TAS1R1: variants seen among roughly 807,000 people sequenced by gnomAD.
TAS1R1 encodes the protein taste 1 receptor member 1.
Under a neutral mutation model 45.8 loss-of-function variants are expected in TAS1R1, and 31 were observed. The observed-to-expected ratio is 0.68, with a 90% confidence interval of 0.51 to 0.91. The LOEUF (loss-of-function observed/expected upper bound fraction) is 0.91. TAS1R1 is among the 40% of genes least tolerant of loss of function. TAS1R1 has a pLI of 0.00. For missense variants in TAS1R1, 1,051 were observed against 1,063.9 expected (o/e 0.99, Z 0.17); for synonymous variants, 437 against 448.4 (o/e 0.97, Z 0.32).
At position 6,555,316 on chromosome 1, in the gene TAS1R1, C is replaced by T; in HGVS notation, c.-58C>T. 1 of 1,466,268 alleles carries T rather than the reference C, an allele frequency of 6.8e-7. No individual in the cohort carries two copies. Among genetic ancestry groups the T allele is most frequent in the Non-Finnish European group, 9.1e-7 (1 of 1,104,276 alleles). 90.8% of individuals were successfully genotyped at this position (1,466,268 alleles called of 1,614,324 possible). ...ATCCGGCAGCTGCCTTCTATTTAAG[C>T]AACTGGCCTCCTTAGAGGCCACTCC... is the stretch of plus-strand genomic sequence containing the variant. On this transcript the variant is annotated 5_prime_UTR_variant, in exon 1 of 6. Coordinates refer to ENST00000333172, the MANE Select transcript of TAS1R1 (RefSeq NM_138697.4).
At chr1:6,576,724 C>T in intron 4 of TAS1R1, 97 bp downstream of exon 4, 4 of 1,459,526 alleles carry the variant, frequency 2.7e-6, no homozygotes, top group Non-Finnish European at 3.7e-6. Context: ...AGGAGGGGGG[C>T]CCCAGGGGTC....
chr1:6,563,907 C>T (rs557178308), intron 1 of TAS1R1, among the ~76,000 whole-genome samples: 77 of 151,980 alleles, frequency 5.1e-4, no homozygotes, highest in Non-Finnish European at 7.4e-4. Flanking sequence ...TCTTGGCAAA[C>T]GGAGAGGATG....
rs200007861 is a variant in TAS1R1, at chr1:6,576,657, A to G, written c.1473+30A>G. 2.8e-5 allele frequency: 45 copies of G among 1,607,658 alleles called. No individual in the cohort carries two copies. The Admixed American group carries it at 5.8e-4, about 21-fold the overall frequency. On this transcript the variant is annotated intron_variant, in intron 4 of 5. Transcript: ENST00000333172. ...TGGGGATGTGGCTACTCACCATGTA[A>G]CTGGCTTATGGGCAACCTAGAGCCT... is the stretch of plus-strand genomic sequence containing the variant.
At position 6,558,038 on chromosome 1, in the gene TAS1R1, T is replaced by TG. The variant is rs1219423074; in HGVS notation, c.191+2474_191+2475insG. Among the ~76,000 whole-genome samples the TG allele has an allele frequency of 8.8e-3, 1,299 of 147,840 alleles. 23 individuals carry two copies. The highest frequency in any genetic ancestry group is 0.032 in the African/African-American group (1,229 of 38,686). Reference sequence around the variant, plus strand: ...AGGTTAAGCAGGTGTAGTGGTTAGTTTTTGTTTTTGTTTTTGTTTTTTTTC... The same window carrying TG: ...AGGTTAAGCAGGTGTAGTGGTTAGTTGTTTGTTTTTGTTTTTGTTTTTTTTC... On this transcript the variant is annotated intron_variant, in intron 1 of 5. Coordinates refer to ENST00000333172, the MANE Select transcript of TAS1R1 (RefSeq NM_138697.4).
In TAS1R1 at chr1:6,555,424, C is replaced by A. The variant is rs1397855740; in HGVS notation, c.51C>A (p.Cys17Ter). The change falls in exon 1 of 6, where the codon TGC becomes TGA. Residue 17 changes from cysteine (C) to a stop codon, truncating the protein, a stop_gained. Transcript: ENST00000333172. LOFTEE classifies it high-confidence loss of function. ...RLVGLQLLIS[C>*]CWAFACHSTE... ...TCGGCCTGCAGCTTCTCATTTCCTG[C>A]TGCTGGGCCTTTGCCTGCCATAGCA... 4 of 1,607,734 alleles carry A rather than the reference C, an allele frequency of 2.5e-6. No individual in the cohort carries two copies. Among genetic ancestry groups the A allele is most frequent in the Non-Finnish European group, 3.4e-6 (4 of 1,177,868 alleles).
At position 6,555,384 on chromosome 1, in the gene TAS1R1, G is replaced by A. The variant is rs35375392; in HGVS notation, c.11G>A (p.Cys4Tyr). 9,956 of 1,599,866 alleles carry A rather than the reference G, an allele frequency of 6.2e-3. 67 individuals carry two copies. The highest frequency in any genetic ancestry group is 0.033 in the African/African-American group (2,476 of 74,888). Residue 4 changes from cysteine to tyrosine, a missense_variant, in exon 1 of 6, where the codon TGC becomes TAC. By Grantham distance (194) the Cys-to-Tyr change is radical. Transcript: ENST00000333172. ...GGGCATCTGGCCAGCATGCTGCTCT[G>A]CACGGCTCGCCTGGTCGGCCTGCAG... The part of the protein sequence containing the change: MLL[C>Y]TARLVGLQLL...
At chr1:6,570,637 C>T (rs1639985682) in intron 1 of TAS1R1, among the ~76,000 whole-genome samples, 1 of 152,274 alleles carries the variant, frequency 6.6e-6, no homozygotes, top group Non-Finnish European at 1.5e-5. Context: ...CTAAATTTCT[C>T]ACTTTCTCTC....
Position 6,575,311 on chromosome 1 carries a change from G to A in TAS1R1, c.1179G>A (p.Val393=). 6.2e-7 allele frequency: 1 copy of A among 1,612,722 alleles called. No individual in the cohort carries two copies. The highest frequency in any genetic ancestry group is 1.1e-5 in the South Asian group (1 of 91,056). The change falls in exon 3 of 6, where the codon GTG becomes GTA. Residue 393 remains valine, a synonymous_variant. Coordinates refer to ENST00000333172, the MANE Select transcript of TAS1R1 (RefSeq NM_138697.4). The part of the protein sequence containing the change: ...MSSAYNAYRA[V]YAVAHGLHQL... ...CTGCCTACAACGCATACCGGGCTGT[G>A]TATGCGGTGGCCCATGGCCTCCACC...
intron 5 of TAS1R1, 92 bp from the exon 6 acceptor site, chr1:6,578,561 G>C (rs1640254434): frequency 1.2e-5 from 18 of 1,506,908 alleles, no homozygotes; most frequent in Non-Finnish European, 1.6e-5. Context: ...TAGCTGCCCT[G>C]GTACAATTCT....
chr1:6,571,629 G>T (rs941503377), intron 2 of TAS1R1, among the ~76,000 whole-genome samples: 3 of 152,172 alleles, frequency 2.0e-5, no homozygotes, highest in African/African-American at 7.2e-5. Flanking sequence ...AGACCAGCCT[G>T]GCCAGTATGG....
At chr1:6,564,078 G>A (rs2148668769) in intron 1 of TAS1R1, among the ~76,000 whole-genome samples, 1 of 152,268 alleles carries the variant, frequency 6.6e-6, no homozygotes, top group Non-Finnish European at 1.5e-5. Context: ...GGAGGGAACT[G>A]GAGAATCGGC....
Position 6,579,417 on chromosome 1 carries a change from T to C in TAS1R1, c.2359T>C (p.Tyr787His). The C allele has an allele frequency of 6.2e-7, 1 of 1,614,050 alleles. No individual in the cohort carries two copies. Among genetic ancestry groups the C allele is most frequent in the South Asian group, 1.1e-5 (1 of 91,084 alleles). The change falls in exon 6 of 6, where the codon TAC becomes CAC. Residue 787 changes from tyrosine to histidine, a missense_variant. Coordinates refer to ENST00000333172, the MANE Select transcript of TAS1R1 (RefSeq NM_138697.4). ...FTTASVYDGK[Y>H]LPAANMMAGL... The stretch of plus-strand genomic sequence containing the variant: ...CACGGCCAGCGTCTACGACGGCAAG[T>C]ACCTGCCTGCGGCCAACATGATGGC...
intron 1 of TAS1R1, among the ~76,000 whole-genome samples, chr1:6,567,936 C>T (rs1432589663): frequency 2.0e-5 from 3 of 152,088 alleles, no homozygotes; most frequent in Non-Finnish European, 2.9e-5. Context: ...CTTTTGTGCC[C>T]TTGTGTACTA....
At chr1:6,564,382 C>T (rs924790974) in intron 1 of TAS1R1, among the ~76,000 whole-genome samples, 1 of 152,016 alleles carries the variant, frequency 6.6e-6, no homozygotes, top group Non-Finnish European at 1.5e-5. Context: ...GGGAGGTATT[C>T]TCCTAGCTGA....
intron 2 of TAS1R1, among the ~76,000 whole-genome samples, chr1:6,571,800 A>T (rs1358163302): frequency 6.6e-6 from 1 of 152,080 alleles, no homozygotes; most frequent in Non-Finnish European, 1.5e-5. Flanking sequence ...AGCCTGGGTG[A>T]CAGAGTGATA....
In TAS1R1 at chr1:6,571,185, C is replaced by G; in HGVS notation, c.468C>G (p.Ala156=). 1.3e-6 allele frequency: 2 copies of G among 1,588,158 alleles called. No individual in the cohort carries two copies. Among genetic ancestry groups the G allele is most frequent in the Middle Eastern group, 1.7e-4 (1 of 5,756 alleles). The change falls in exon 2 of 6, where the codon GCC becomes GCG. Residue 156 remains alanine, a synonymous_variant. Coordinates refer to ENST00000333172, the MANE Select transcript of TAS1R1 (RefSeq NM_138697.4). ...GCACCAACCGTGCTGCCACCACAGC[C>G]GCCCTGCTGAGCCCTTTCCTGGTGC... The part of the protein sequence containing the change: ...PDSTNRAATT[A]ALLSPFLVPM...
intron 2 of TAS1R1, among the ~76,000 whole-genome samples, chr1:6,571,588 G>A (rs1236255153): frequency 6.6e-6 from 1 of 152,218 alleles, no homozygotes; most frequent in Admixed American, 6.5e-5. Context: ...CCTTGGGGAG[G>A]CTGGGCAGAT....
chr1:6,571,232 GAC>G lies in TAS1R1; in HGVS notation c.498+18_498+19del. 6.5e-7 allele frequency: 1 copy of G among 1,543,800 alleles called. No individual in the cohort carries two copies. Among genetic ancestry groups the G allele is most frequent in the Non-Finnish European group, 8.7e-7 (1 of 1,145,958 alleles). On this transcript the variant is annotated intron_variant, in intron 2 of 5. Transcript: ENST00000333172. The stretch of plus-strand genomic sequence containing the variant: ...GTGCCCATGGTAAGCTGGAGCCTCA[GAC>G]CTTTGCCCATCTCCCTTCAGGCAAG...
At position 6,571,070 on chromosome 1, in the gene TAS1R1, T is replaced by G; in HGVS notation, c.353T>G (p.Val118Gly). 1 of 1,614,028 alleles carries G rather than the reference T, an allele frequency of 6.2e-7. No homozygotes were observed. The highest frequency in any genetic ancestry group is 8.5e-7 in the Non-Finnish European group (1 of 1,179,988). ...GCCAATGTGTATGCCACGCTGAGAG[T>G]GCTCTCCCTGCCAGGGCAACACCAC... ...DSANVYATLR[V>G]LSLPGQHHIE... Residue 118 changes from valine to glycine, a missense_variant, in exon 2 of 6, where the codon GTG becomes GGG. Coordinates refer to ENST00000333172, the MANE Select transcript of TAS1R1 (RefSeq NM_138697.4).
Sources: gnomAD v4.1 joint callset for allele counts (sites outside exome capture counted in the v4.1 genomes callset) on GRCh38, gnomAD v4.1.1 for gene constraint, MANE v1.5 for transcripts, NCBI Gene and HGNC (gene_info 2026-07-23, HGNC 2026-07-21) for gene names.